SLC30A8: variants seen among roughly 807,000 people sequenced by gnomAD.
The protein encoded by SLC30A8 is solute carrier family 30 member 8.
Under a neutral mutation model 36.9 loss-of-function variants are expected in SLC30A8, and 27 were observed. The ratio of observed to expected loss-of-function variants is 0.73; its 90% CI spans 0.54 to 1.01. The LOEUF (loss-of-function observed/expected upper bound fraction) is 1.01. Ranked by LOEUF, SLC30A8 falls within the 50% of genes least tolerant of loss-of-function variation. The pLI is 0.00. For synonymous variants in SLC30A8, 164 were observed against 172.4 expected (o/e 0.95, Z 0.38); for missense variants, 439 against 452.0 (o/e 0.97, Z 0.26).
chr8:117,062,693 G>T (rs995631528), intron 2 of SLC30A8, among the ~76,000 whole-genome samples: 1 of 152,306 alleles, frequency 6.6e-6, no homozygotes, highest in African/African-American at 2.4e-5. Flanking sequence ...ATAGGGCTGG[G>T]GTCAGAAGTA....
rs890099862 is a variant in SLC30A8 at position 117,176,673 on chromosome 8, A to ATGT, written c.*3994_*3996dup. 1 of 152,534 alleles carries ATGT rather than the reference A, an allele frequency of 6.6e-6. No homozygotes were observed. The highest frequency in any genetic ancestry group is 1.9e-4 in the East Asian group (1 of 5,182). 9.4% of individuals were successfully genotyped at this position (152,534 alleles called of 1,614,324 possible). On this transcript the variant is annotated 3_prime_UTR_variant, in exon 8 of 8. Coordinates refer to ENST00000456015, the MANE Select transcript of SLC30A8 (RefSeq NM_173851.3). Reference sequence around the variant, plus strand: ...GCACCTGTTTAAATTCTATTTTAAAATGTTAATGTGTGTTGTTTAAAATAA... The same window carrying ATGT: ...GCACCTGTTTAAATTCTATTTTAAAATGTTGTTAATGTGTGTTGTTTAAAATAA...
chr8:117,097,347 A>G (rs1340986120), intron 2 of SLC30A8, among the ~76,000 whole-genome samples: 2 of 131,902 alleles, frequency 1.5e-5, no homozygotes, highest in Admixed American at 8.7e-5. Context: ...CAGTGAGCCG[A>G]GATCGCGCCA....
intron 1 of SLC30A8, among the ~76,000 whole-genome samples, chr8:116,992,662 C>T (rs1019544203): frequency 1.9e-4 from 29 of 151,750 alleles, no homozygotes; most frequent in Non-Finnish European, 3.1e-4. Flanking sequence ...CAAGGGCTAC[C>T]TGTATTGAGA....
At position 116,964,767 on chromosome 8, in the gene SLC30A8, C is replaced by T. The variant is rs539146482; in HGVS notation, c.-266+13648C>T. Reference sequence around the variant, plus strand: ...AGGTTACTCATCATCTCTTATTAACCTACTAAAGCCCCACATTGGCTAAGG... The same window carrying T: ...AGGTTACTCATCATCTCTTATTAACTTACTAAAGCCCCACATTGGCTAAGG... On this transcript the variant is annotated intron_variant, in intron 1 of 10. Transcript: ENST00000427715. 8.6e-4 allele frequency among the ~76,000 whole-genome samples: 131 copies of T among 152,300 alleles called. 2 individuals carry two copies. Among genetic ancestry groups the T allele is most frequent in the African/African-American group, 2.8e-3 (118 of 41,568 alleles).
intron 2 of SLC30A8, among the ~76,000 whole-genome samples, chr8:117,150,959 A>G (rs911387525): frequency 2.0e-5 from 3 of 152,118 alleles, no homozygotes; most frequent in African/African-American, 7.2e-5. Flanking sequence ...CTCAAAAATA[A>G]TAAGTAGATC....
At chr8:116,950,440 T>C (rs1424308792), upstream of SLC30A8, 1 of 152,250 alleles carries the variant, frequency 6.6e-6, no homozygotes, top group East Asian at 1.9e-4. Flanking sequence ...ATTAAGGATG[T>C]TCTAATGCCT....
At chr8:116,997,458 G>A (rs1227677525) in intron 1 of SLC30A8, among the ~76,000 whole-genome samples, 2 of 151,990 alleles carry the variant, frequency 1.3e-5, no homozygotes, top group African/African-American at 4.8e-5. Context: ...CAAGGAAGAT[G>A]ATAAACAGTT....
chr8:117,093,590 GT>G (rs1819228875), intron 2 of SLC30A8, among the ~76,000 whole-genome samples: 1 of 152,020 alleles, frequency 6.6e-6, no homozygotes, highest in African/African-American at 2.4e-5. Flanking sequence ...TCACTCAACT[GT>G]TTTTCTACTA....
chr8:116,960,906 CT>C (rs1393882203), intron 1 of SLC30A8, among the ~76,000 whole-genome samples: 1 of 152,050 alleles, frequency 6.6e-6, no homozygotes, highest in Non-Finnish European at 1.5e-5. Context: ...GCTATTGTGA[CT>C]TGCTTTTATA....
At chr8:117,139,748 T>C (rs1222135404) in intron 1 of SLC30A8, among the ~76,000 whole-genome samples, 1 of 151,738 alleles carries the variant, frequency 6.6e-6, no homozygotes, top group Non-Finnish European at 1.5e-5. Context: ...AAAATGATTA[T>C]TATCCCTTGG....
intron 1 of SLC30A8, among the ~76,000 whole-genome samples, chr8:116,984,704 G>T (rs1815383538): frequency 6.6e-6 from 1 of 151,690 alleles, no homozygotes; most frequent in African/African-American, 2.4e-5. Flanking sequence ...CTTTTTAACT[G>T]CCGAGTTTTG....
chr8:117,004,114 C>A (rs533958187), intron 1 of SLC30A8, among the ~76,000 whole-genome samples: 4 of 152,248 alleles, frequency 2.6e-5, no homozygotes, highest in African/African-American at 9.6e-5. Context: ...TTGTCCAGTC[C>A]CTGTTTATGT....
chr8:117,125,606 C>T (rs1203415846), intron 2 of SLC30A8, among the ~76,000 whole-genome samples: 1 of 151,940 alleles, frequency 6.6e-6, no homozygotes, highest in Non-Finnish European at 1.5e-5. Flanking sequence ...AAGCTTCCTG[C>T]TCCAGATTTT....
chr8:117,157,155 C>G (rs1822533189), intron 3 of SLC30A8, among the ~76,000 whole-genome samples: 1 of 152,168 alleles, frequency 6.6e-6, no homozygotes, highest in Non-Finnish European at 1.5e-5. Context: ...GTTAGTCAGC[C>G]TCTGAGCTCA....
chr8:117,034,347 CA>C (rs145397123), intron 1 of SLC30A8, among the ~76,000 whole-genome samples: 2,018 of 152,284 alleles, frequency 0.013, 48 homozygotes, highest in African/African-American at 0.046. Flanking sequence ...TGCTTCATTG[CA>C]CTTACCATTT....
chr8:116,953,843 G>C (rs778775069), intron 1 of SLC30A8, among the ~76,000 whole-genome samples: 1 of 152,130 alleles, frequency 6.6e-6, no homozygotes, highest in Non-Finnish European at 1.5e-5. Context: ...TAGAGTTCCA[G>C]AAGATCTCTA....
chr8:116,973,687 A>T (rs1250235971), intron 1 of SLC30A8, among the ~76,000 whole-genome samples: 3 of 152,128 alleles, frequency 2.0e-5, no homozygotes, highest in African/African-American at 7.3e-5. Context: ...GGAAGAAACT[A>T]CTTTAAAGTT....
At chr8:117,158,125 A>G (rs1263093112) in intron 4 of SLC30A8, among the ~76,000 whole-genome samples, 1 of 152,220 alleles carries the variant, frequency 6.6e-6, no homozygotes, top group Non-Finnish European at 1.5e-5. Flanking sequence ...TGTTCACAAC[A>G]CCCCTATGTT....
intron 2 of SLC30A8, among the ~76,000 whole-genome samples, chr8:117,088,840 G>A (rs143676265): frequency 2.6e-5 from 4 of 152,322 alleles, no homozygotes; most frequent in Non-Finnish European, 4.4e-5. Context: ...ATTAGATGAC[G>A]TTGGTTGGTA....
Sources: allele counts gnomAD v4.1 joint callset (sites outside exome capture counted in the v4.1 genomes callset), GRCh38; gene constraint gnomAD v4.1.1; transcripts MANE v1.5; gene names NCBI Gene and HGNC (gene_info 2026-07-23, HGNC 2026-07-21).